The following CCDC92B variants were observed in gnomAD, a reference collection of about 807,000 sequenced individuals.
The protein encoded by CCDC92B is coiled-coil domain containing 92B, also known as coiled-coil domain-containing 92B.
In CCDC92B, 2 loss-of-function variants were observed where a neutral mutation model predicts 5.6. The ratio of observed to expected loss-of-function variants is 0.36; its 90% confidence interval spans 0.15 to 1.12. The LOEUF (loss-of-function observed/expected upper bound fraction) is 1.12. CCDC92B is among the 50% of genes most tolerant of loss of function. CCDC92B has a pLI of 0.40. For synonymous variants in CCDC92B, 115 were observed against 122.3 expected, an observed-to-expected ratio of 0.94 and a Z score of 0.39; for missense variants, 271 against 262.2, an observed-to-expected ratio of 1.03 and a Z score of -0.23.
chr17:2,736,183 C>T (rs12936434), intron 1 of CCDC92B, among the ~76,000 whole-genome samples: 50,178 of 151,992 alleles, frequency 0.33, 8,978 homozygotes, highest in South Asian at 0.5. Context: ...AATCCCAGCA[C>T]TTTGGGAGCT....
chr17:2,744,726 G>C lies in CCDC92B; in HGVS notation c.-24+4685C>G, dbSNP rs572821623. Among the ~76,000 whole-genome samples the C allele has an allele frequency of 3.2e-4, 48 of 152,226 alleles. 1 individual carries two copies. The South Asian group carries it at 5.4e-3, about 17-fold the overall frequency. ...TGTGTTAGGGGTGATATACCCAAGAGACCTCAAACAAGGAGAAATAGATGT... is the reference window on the plus strand; with the variant it reads ...TGTGTTAGGGGTGATATACCCAAGACACCTCAAACAAGGAGAAATAGATGT... On this transcript the variant is annotated intron_variant, in intron 1 of 3. Transcript: ENST00000614400.
In CCDC92B at chr17:2,735,802, G is replaced by C. The variant is rs1419837095; in HGVS notation, c.-23-634C>G. On this transcript the variant is annotated intron_variant, in intron 1 of 3. Coordinates refer to ENST00000614400, the MANE Select transcript of CCDC92B (RefSeq NM_001355573.2). ...GAGTGGCAAAGTCAGTAGAGAGACA[G>C]AGAACCTGGGTTCTAGCCTGCTCCT... is the stretch of plus-strand genomic sequence containing the variant. Among the ~76,000 whole-genome samples the C allele has an allele frequency of 4.6e-5, 7 of 152,288 alleles. No homozygotes were observed. In the East Asian group the frequency reaches 1.3e-3, roughly 29 times the overall value.
rs147645470 is a variant in CCDC92B, at chr17:2,736,398, G to C, written c.-23-1230C>G. On this transcript the variant is annotated intron_variant, in intron 1 of 3. Transcript: ENST00000614400. ...ACTGAGACCATGCCACTGCACCCCA[G>C]CCTGGGCGACAGGGTGAGACTCTGT... 9.5e-3 allele frequency among the ~76,000 whole-genome samples: 1,449 copies of C among 152,118 alleles called. 57 individuals are homozygous for C. The highest frequency in any genetic ancestry group is 0.092 in the East Asian group (475 of 5,170).
At chr17:2,748,384 T>A in intron 1 of CCDC92B, 2 of 985,326 alleles carry the variant, frequency 2.0e-6, no homozygotes, top group African/African-American at 3.5e-5. Flanking sequence ...TTTGTTGGAA[T>A]CTGGGTGGCA....
intron 1 of CCDC92B, among the ~76,000 whole-genome samples, chr17:2,740,738 G>A (rs2070916691): frequency 6.6e-6 from 1 of 151,738 alleles, no homozygotes; most frequent in Admixed American, 6.6e-5. Flanking sequence ...GTAGACTAAG[G>A]CCAGACGCAG....
At chr17:2,746,563 C>T (rs2070989320) in intron 1 of CCDC92B, among the ~76,000 whole-genome samples, 2 of 152,198 alleles carry the variant, frequency 1.3e-5, no homozygotes, top group South Asian at 4.1e-4. Context: ...GGCTCCTGAT[C>T]CCTGAAAATG....
chr17:2,728,754 G>T (rs963999215), intron 3 of CCDC92B, among the ~76,000 whole-genome samples: 1 of 152,198 alleles, frequency 6.6e-6, no homozygotes, highest in Admixed American at 6.5e-5. Flanking sequence ...AGTGTCTGGG[G>T]CATGTGCTGC....
intron 1 of CCDC92B, among the ~76,000 whole-genome samples, chr17:2,748,881 C>G (rs1183544287): frequency 6.6e-6 from 1 of 152,134 alleles, no homozygotes; most frequent in East Asian, 1.9e-4. Flanking sequence ...CTCTCCACTC[C>G]GGAGCCCCTC....
At chr17:2,726,123 G>A (rs900924538) in intron 3 of CCDC92B, among the ~76,000 whole-genome samples, 14 of 147,098 alleles carry the variant, frequency 9.5e-5, no homozygotes, top group African/African-American at 3.0e-4. Flanking sequence ...AGCCTCCCAA[G>A]TAGCTGGGAT....
intron 3 of CCDC92B, among the ~76,000 whole-genome samples, chr17:2,728,218 G>GT (rs2070755074): frequency 6.6e-6 from 1 of 151,712 alleles, no homozygotes; most frequent in South Asian, 2.1e-4. Flanking sequence ...CGAGGTTGAG[G>GT]TGGAAGGATC....
rs934811772 is a variant in CCDC92B, at chr17:2,730,906, G to A, written c.131-413C>T. On this transcript the variant is annotated intron_variant, in intron 2 of 3. Coordinates refer to ENST00000614400, the MANE Select transcript of CCDC92B (RefSeq NM_001355573.2). ...TGCCGTGCAGGGCTTTGACCCTTTC[G>A]TGTTTAGCTGATGGCCGCTGGAGTG... Among the ~76,000 whole-genome samples, 13 of 152,210 alleles carry A rather than the reference G, an allele frequency of 8.5e-5. No homozygotes were observed. In the East Asian group the frequency reaches 1.7e-3, roughly 20 times the overall value.
At chr17:2,727,776 A>T (rs1369781583) in intron 3 of CCDC92B, among the ~76,000 whole-genome samples, 1 of 151,030 alleles carries the variant, frequency 6.6e-6, no homozygotes, top group African/African-American at 2.4e-5. Flanking sequence ...GTGAGCTGAG[A>T]TCGCGCCACT....
Position 2,730,498 on chromosome 17 carries a change from G to C in CCDC92B, c.131-5C>G. On this transcript the variant is annotated splice_region_variant and splice_polypyrimidine_tract_variant and intron_variant, in intron 2 of 3. Coordinates refer to ENST00000614400, the MANE Select transcript of CCDC92B (RefSeq NM_001355573.2). ...TTTCCAGGTCATGGGTCAGTTCTGG[G>C]GGGAAAGAAAAGAAAAGGCAGTTTG... 1.0e-6 allele frequency: 1 copy of C among 979,904 alleles called. No homozygotes were observed. The highest frequency in any genetic ancestry group is 1.2e-6 in the Non-Finnish European group (1 of 829,382). 60.7% of individuals were successfully genotyped at this position (979,904 alleles called of 1,614,324 possible).
intron 3 of CCDC92B, among the ~76,000 whole-genome samples, chr17:2,725,860 A>T (rs1435510244): frequency 1.3e-5 from 2 of 151,894 alleles, no homozygotes; most frequent in African/African-American, 2.4e-5. Context: ...AAGACAGGAG[A>T]GAAGGATGCT....
At chr17:2,735,744 G>T (rs2070851299) in intron 1 of CCDC92B, among the ~76,000 whole-genome samples, 1 of 152,002 alleles carries the variant, frequency 6.6e-6, no homozygotes, top group African/African-American at 2.4e-5. Flanking sequence ...TATAACTTTA[G>T]CCTCTTCTAC....
intron 3 of CCDC92B, among the ~76,000 whole-genome samples, chr17:2,727,588 G>A (rs1567611077): frequency 6.6e-6 from 1 of 152,226 alleles, no homozygotes; most frequent in African/African-American, 2.4e-5. Flanking sequence ...CACTTTGGGA[G>A]GCCAAGGTGG....
Position 2,735,109 on chromosome 17 carries a change from C to T in CCDC92B, c.37G>A (p.Val13Met), listed in dbSNP as rs879138102. ...TTCAGGAAGCTGATGTGGCGTTGCA[C>T]GCTCTGGATCTGATGCTCCAGGGAC... ...TVSLEHQIQS[V>M]QRHISFLKKE... The change falls in exon 2 of 4, where the codon GTG becomes ATG. Residue 13 changes from valine (V) to methionine (M), a missense_variant. Val to Met is a conservative substitution (Grantham distance 21, BLOSUM62 1). Coordinates refer to ENST00000614400, the MANE Select transcript of CCDC92B (RefSeq NM_001355573.2). 1.3e-5 allele frequency: 13 copies of T among 985,434 alleles called. No individual in the cohort carries two copies. The highest frequency in any genetic ancestry group is 8.7e-5 in the African/African-American group (5 of 57,254). The allele number at this position is 985,434 out of a possible 1,614,324, so 61.0% of individuals were successfully genotyped here.
rs1021128336 is a variant in CCDC92B at position 2,724,394 on chromosome 17, C to G, written c.*17G>C. On this transcript the variant is annotated 3_prime_UTR_variant, in exon 4 of 4. Coordinates refer to ENST00000614400, the MANE Select transcript of CCDC92B (RefSeq NM_001355573.2). The surrounding 1 kb of genome is among the most constrained non-coding windows in gnomAD (Gnocchi z 5.0). Reference sequence around the variant, plus strand: ...GCCCTCCCCGTCCGTCCCGCGTCACCCCGGCCAGCCTGGCGCCTACTCCGG... The same window carrying G: ...GCCCTCCCCGTCCGTCCCGCGTCACGCCGGCCAGCCTGGCGCCTACTCCGG... 18 of 984,864 alleles carry G rather than the reference C, an allele frequency of 1.8e-5. No individual in the cohort carries two copies. The highest frequency in any genetic ancestry group is 2.2e-5 in the Non-Finnish European group (18 of 829,792). 61.0% of individuals were successfully genotyped at this position (984,864 alleles called of 1,614,324 possible). A position where few individuals can be genotyped will look rare whatever the true frequency, so the allele number is the denominator to read the frequency against.
intron 2 of CCDC92B, among the ~76,000 whole-genome samples, chr17:2,731,701 G>C (rs2070796707): frequency 6.6e-6 from 1 of 152,188 alleles, no homozygotes; most frequent in African/African-American, 2.4e-5. Flanking sequence ...TGTTACCAGA[G>C]TCTGAACCTG....
Sources: gnomAD v4.1 joint callset for allele counts (sites outside exome capture counted in the v4.1 genomes callset) on GRCh38, gnomAD v4.1.1 for gene constraint, Gnocchi (gnomAD v3.1) non-coding constraint, MANE v1.5 for transcripts, NCBI Gene and HGNC (gene_info 2026-07-23, HGNC 2026-07-21) for gene names.